Variants in GPC6 observed in about 807,000 individuals in gnomAD.
GPC6 encodes glypican-6.
Under a neutral mutation model 55.2 loss-of-function variants are expected in GPC6, and 14 were observed. The observed-to-expected ratio is 0.25, with a 90% CI of 0.17 to 0.40. GPC6 has a LOEUF of 0.40. Ranked by LOEUF, GPC6 falls within the 10% of genes least tolerant of loss-of-function variation. GPC6 has a pLI of 1.00. For synonymous variants in GPC6, 278 were observed against 259.6 expected (o/e 1.07, Z -0.68); for missense variants, 641 against 708.5 (o/e 0.90, Z 1.08).
intron 2 of GPC6, among the ~76,000 whole-genome samples, chr13:93,638,157 T>A (rs1346807916): frequency 6.6e-6 from 1 of 152,098 alleles, no homozygotes; most frequent in Admixed American, 6.6e-5. Flanking sequence ...TTTATGAGAA[T>A]GTTCTTATCA....
chr13:93,761,942 C>T (rs1884967864), intron 2 of GPC6, among the ~76,000 whole-genome samples: 1 of 152,010 alleles, frequency 6.6e-6, no homozygotes, highest in African/African-American at 2.4e-5. Flanking sequence ...GCCATCTGTC[C>T]AATAGAACAC....
chr13:94,350,075 T>TTGTGTGTGTGTGTGTGTGTGTG lies in GPC6; in HGVS notation c.1153-32322_1153-32321insGTGTGTGTGTGTGTGTGTGTGT, dbSNP rs367555548. Among the ~76,000 whole-genome samples, 453 of 150,132 alleles carry TTGTGTGTGTGTGTGTGTGTGTG rather than the reference T, an allele frequency of 3.0e-3. 5 individuals are homozygous for TTGTGTGTGTGTGTGTGTGTGTG. The highest frequency in any genetic ancestry group is 0.01 in the African/African-American group (413 of 40,762). ...ATATATATACATATATATATATCTT[T>TTGTGTGTGTGTGTGTGTGTGTG]TGTGTGTGTGTGTGTGTTTATGTGT... is the stretch of plus-strand genomic sequence containing the variant. On this transcript the variant is annotated intron_variant, in intron 6 of 8. Transcript: ENST00000377047.
At chr13:93,464,852 T>C (rs771661645) in intron 1 of GPC6, among the ~76,000 whole-genome samples, 31 of 152,246 alleles carry the variant, frequency 2.0e-4, no homozygotes, top group Non-Finnish European at 4.3e-4. Context: ...TATAGCCTTA[T>C]GAAATGTATT....
At chr13:93,526,347 A>G (rs372142947) in intron 1 of GPC6, among the ~76,000 whole-genome samples, 63 of 152,184 alleles carry the variant, frequency 4.1e-4, no homozygotes, top group African/African-American at 1.3e-3. Flanking sequence ...TTGAGGAGAA[A>G]TTATTTAAAT....
At chr13:94,312,785 A>T (rs1433987767) in intron 6 of GPC6, among the ~76,000 whole-genome samples, 1 of 152,132 alleles carries the variant, frequency 6.6e-6, no homozygotes, top group African/African-American at 2.4e-5. Flanking sequence ...CAAAAAAAGT[A>T]AAACCTCAAT....
intron 4 of GPC6, among the ~76,000 whole-genome samples, chr13:94,044,980 G>A (rs1413197337): frequency 1.3e-5 from 2 of 151,568 alleles, no homozygotes; most frequent in African/African-American, 2.4e-5. Context: ...ACTTCATAAT[G>A]GGCTAAATAT....
chr13:93,616,550 A>G (rs962549785), intron 2 of GPC6, among the ~76,000 whole-genome samples: 17 of 152,128 alleles, frequency 1.1e-4, no homozygotes. Context: ...CTGGATTTGC[A>G]AGAGTCAAAG....
intron 1 of GPC6, among the ~76,000 whole-genome samples, chr13:93,533,402 G>A (rs1881939864): frequency 6.6e-6 from 1 of 152,100 alleles, no homozygotes; most frequent in Non-Finnish European, 1.5e-5. Context: ...AACATCCTTG[G>A]CACCAGATGA....
chr13:94,235,805 A>T (rs1310167685), intron 4 of GPC6, among the ~76,000 whole-genome samples: 1 of 152,156 alleles, frequency 6.6e-6, no homozygotes, highest in Non-Finnish European at 1.5e-5. Flanking sequence ...TCATATTAAA[A>T]CATGTAGAAC....
chr13:93,307,714 A>C (rs1007659964), intron 1 of GPC6, among the ~76,000 whole-genome samples: 7 of 152,150 alleles, frequency 4.6e-5, no homozygotes, highest in African/African-American at 1.7e-4. Flanking sequence ...GGTGTATGAT[A>C]AACTTTTATA....
At chr13:93,406,072 C>T (rs34369938) in intron 1 of GPC6, among the ~76,000 whole-genome samples, 8,410 of 152,256 alleles carry the variant, frequency 0.055, 315 homozygotes, top group Non-Finnish European at 0.078. Flanking sequence ...CATAGTGTCA[C>T]TTCTACATTC....
intron 3 of GPC6, among the ~76,000 whole-genome samples, chr13:93,882,522 A>G (rs1324554826): frequency 6.6e-6 from 1 of 152,040 alleles, no homozygotes; most frequent in Non-Finnish European, 1.5e-5. Flanking sequence ...TTAGATTTGT[A>G]TGTTAGACTC....
intron 2 of GPC6, among the ~76,000 whole-genome samples, chr13:93,588,788 C>G (rs894034508): frequency 6.6e-6 from 1 of 152,130 alleles, no homozygotes; most frequent in Non-Finnish European, 1.5e-5. Context: ...AACACCAGGC[C>G]CCACCTCCAA....
intron 3 of GPC6, among the ~76,000 whole-genome samples, chr13:93,972,514 A>T (rs896458213): frequency 2.6e-5 from 4 of 152,098 alleles, no homozygotes; most frequent in Non-Finnish European, 4.4e-5. Flanking sequence ...CACTCCCACC[A>T]TGTAGACTTT....
At chr13:94,087,199 C>A (rs1023014636) in intron 4 of GPC6, among the ~76,000 whole-genome samples, 2 of 152,144 alleles carry the variant, frequency 1.3e-5, no homozygotes, top group Admixed American at 6.5e-5. Context: ...GATGAATGAG[C>A]AGATCTAAGA....
intron 1 of GPC6, among the ~76,000 whole-genome samples, chr13:93,406,847 A>G (rs866805166): frequency 2.6e-5 from 4 of 152,214 alleles, no homozygotes; most frequent in Non-Finnish European, 4.4e-5. Flanking sequence ...CGAAACAGCT[A>G]ACCTGAAATA....
At chr13:93,794,506 C>T (rs1409151630) in intron 2 of GPC6, among the ~76,000 whole-genome samples, 1 of 152,126 alleles carries the variant, frequency 6.6e-6, no homozygotes, top group Non-Finnish European at 1.5e-5. Flanking sequence ...CAAGCATCAG[C>T]GCTATAAACA....
intron 4 of GPC6, among the ~76,000 whole-genome samples, chr13:94,139,464 G>C (rs1045837401): frequency 6.6e-6 from 1 of 152,106 alleles, no homozygotes; most frequent in Non-Finnish European, 1.5e-5. Context: ...CTCCAGATTG[G>C]GGCTCCTTGG....
At chr13:93,714,726 G>T (rs1256498185) in intron 2 of GPC6, among the ~76,000 whole-genome samples, 1 of 151,740 alleles carries the variant, frequency 6.6e-6, no homozygotes, top group Non-Finnish European at 1.5e-5. Context: ...AAGTTTATTG[G>T]AGTGCTTCTC....
Sources: allele counts gnomAD v4.1 joint callset (sites outside exome capture counted in the v4.1 genomes callset), GRCh38; gene constraint gnomAD v4.1.1; transcripts MANE v1.5; gene names NCBI Gene and HGNC (gene_info 2026-07-23, HGNC 2026-07-21).